SUCLG2: variants seen among roughly 807,000 people sequenced by gnomAD.
SUCLG2 encodes the protein succinate-CoA ligase GDP-forming subunit beta.
SUCLG2 carries 42 observed loss-of-function variants against 47.9 expected under a neutral mutation model. That is an observed-to-expected ratio of 0.88 (90% CI 0.69 to 1.14). The LOEUF is 1.14. Among genes scored for constraint, SUCLG2 ranks in the 50% most tolerant of loss-of-function variants. The pLI is 0.00. For missense variants in SUCLG2, 571 were observed against 525.9 expected, an observed-to-expected ratio of 1.09 and a Z score of -0.84; for synonymous variants, 195 against 197.3, an observed-to-expected ratio of 0.99 and a Z score of 0.10.
intron 2 of SUCLG2, among the ~76,000 whole-genome samples, chr3:67,533,820 A>C (rs1249258715): frequency 1.3e-5 from 2 of 152,224 alleles, no homozygotes; most frequent in Non-Finnish European, 1.5e-5. Flanking sequence ...AATGGGAATA[A>C]GATGATACTG....
At chr3:67,381,019 G>C (rs1257620640) in intron 10 of SUCLG2, among the ~76,000 whole-genome samples, 1 of 151,934 alleles carries the variant, frequency 6.6e-6, no homozygotes, top group Non-Finnish European at 1.5e-5. Context: ...GCAGAGAAGA[G>C]GGATTAAAAG....
intron 9 of SUCLG2, among the ~76,000 whole-genome samples, chr3:67,449,582 A>G (rs1255686133): frequency 6.7e-6 from 1 of 150,250 alleles, no homozygotes; most frequent in East Asian, 1.9e-4. Context: ...AACAGTGCAC[A>G]CTATCTGTTT....
intron 9 of SUCLG2, among the ~76,000 whole-genome samples, chr3:67,455,130 A>G (rs1018693446): frequency 5.9e-5 from 9 of 152,136 alleles, no homozygotes; most frequent in African/African-American, 1.7e-4. Context: ...GGTCTATTTC[A>G]CATATTCAGT....
At chr3:67,373,689 A>G (rs542741045), downstream of SUCLG2, among the ~76,000 whole-genome samples, 77 of 152,104 alleles carry the variant, frequency 5.1e-4, no homozygotes, top group Non-Finnish European at 1.0e-3. Flanking sequence ...TACCAAGAGA[A>G]GCTTCTTTCC....
At chr3:67,456,464 A>G (rs539981615) in intron 9 of SUCLG2, among the ~76,000 whole-genome samples, 2 of 152,280 alleles carry the variant, frequency 1.3e-5, no homozygotes, top group South Asian at 4.1e-4. Flanking sequence ...ACTGGAACAC[A>G]CTGAATTGAA....
chr3:67,465,934 T>C (rs891716329), intron 9 of SUCLG2, among the ~76,000 whole-genome samples: 9 of 152,266 alleles, frequency 5.9e-5, no homozygotes, highest in South Asian at 4.1e-4. Context: ...CCTATTATTA[T>C]ATGGTTAATT....
At chr3:67,568,379 T>C (rs945563837) in intron 2 of SUCLG2, among the ~76,000 whole-genome samples, 8 of 152,122 alleles carry the variant, frequency 5.3e-5, no homozygotes, top group African/African-American at 1.2e-4. Context: ...AAAAGTAATA[T>C]GATTCTTTGA....
intron 9 of SUCLG2, among the ~76,000 whole-genome samples, chr3:67,402,705 C>A (rs1191301673): frequency 1.3e-5 from 2 of 152,164 alleles, no homozygotes; most frequent in Non-Finnish European, 2.9e-5. Flanking sequence ...AAGGTTTGTG[C>A]AGAGGAACTT....
At chr3:67,624,677 G>A (rs906540543) in intron 1 of SUCLG2, among the ~76,000 whole-genome samples, 1 of 152,102 alleles carries the variant, frequency 6.6e-6, no homozygotes, top group Non-Finnish European at 1.5e-5. Flanking sequence ...CCAGGGAGGG[G>A]GAGAGGGTAA....
At chr3:67,528,649 G>T (rs1468005445) in intron 3 of SUCLG2, among the ~76,000 whole-genome samples, 1 of 152,148 alleles carries the variant, frequency 6.6e-6, no homozygotes. Context: ...AGAGGAAAGT[G>T]TTCAGTGCTA....
At chr3:67,531,354 G>T (rs1706399511) in intron 2 of SUCLG2, among the ~76,000 whole-genome samples, 1 of 152,160 alleles carries the variant, frequency 6.6e-6, no homozygotes, top group Non-Finnish European at 1.5e-5. Flanking sequence ...TCATCCTGAA[G>T]AGATGCTTTC....
intron 2 of SUCLG2, among the ~76,000 whole-genome samples, chr3:67,533,897 CTGACATGGACTTTTCAAATTTGGGACA>C (rs1471383102): frequency 1.3e-5 from 2 of 151,766 alleles, no homozygotes; most frequent in African/African-American, 4.8e-5. Flanking sequence ...TTCAACATGT[CTGACATGGACTTTTCAAATTTGGGACA>C]GAGAGTTTCA....
chr3:67,626,474 T>C lies in SUCLG2; in HGVS notation c.85-16878A>G, dbSNP rs775172400. On this transcript the variant is annotated intron_variant, in intron 1 of 10. Coordinates refer to ENST00000307227, the MANE Select transcript of SUCLG2 (RefSeq NM_003848.4). ...GGACTACTAACAGGAAAAGACCAGT[T>C]ACTGGCAGTCACTGGTGACAGGATG... Among the ~76,000 whole-genome samples the C allele has an allele frequency of 3.5e-4, 53 of 151,946 alleles. 1 individual carries two copies. Among genetic ancestry groups the C allele is most frequent in the Admixed American group, 2.6e-4 (4 of 15,262 alleles).
chr3:67,389,962 T>C (rs1199499309), intron 10 of SUCLG2, among the ~76,000 whole-genome samples: 2 of 152,214 alleles, frequency 1.3e-5, no homozygotes, highest in Non-Finnish European at 2.9e-5. Flanking sequence ...ATCATCCCAG[T>C]AGCTATTACA....
At chr3:67,614,707 T>A (rs769450784) in intron 1 of SUCLG2, among the ~76,000 whole-genome samples, 1 of 152,004 alleles carries the variant, frequency 6.6e-6, no homozygotes, top group African/African-American at 2.4e-5. Flanking sequence ...GTTTCCCAGT[T>A]AGTCACATGT....
intron 1 of SUCLG2, among the ~76,000 whole-genome samples, chr3:67,612,422 A>C (rs1230423072): frequency 8.8e-6 from 1 of 113,064 alleles, no homozygotes; most frequent in Admixed American, 7.6e-5. Context: ...CTGCATTCTC[A>C]GTTGTAAAAA....
chr3:67,483,274 T>C (rs1018307470), intron 9 of SUCLG2, among the ~76,000 whole-genome samples: 2 of 151,868 alleles, frequency 1.3e-5, no homozygotes, highest in Non-Finnish European at 2.9e-5. Context: ...GCAACATTGC[T>C]CAGAACACTT....
At chr3:67,653,551 A>G (rs1372881846) in intron 1 of SUCLG2, among the ~76,000 whole-genome samples, 16 of 152,254 alleles carry the variant, frequency 1.1e-4, no homozygotes, top group Admixed American at 5.9e-4. Flanking sequence ...TACTATGCAC[A>G]TCCTGGTTAA....
intron 1 of SUCLG2, among the ~76,000 whole-genome samples, chr3:67,639,161 T>C (rs909467695): frequency 2.0e-5 from 3 of 152,178 alleles, no homozygotes; most frequent in South Asian, 4.1e-4. Context: ...GTGTAATTTA[T>C]TGTAATGTAC....
Sources: allele counts gnomAD v4.1 joint callset (sites outside exome capture counted in the v4.1 genomes callset), GRCh38; gene constraint gnomAD v4.1.1; transcripts MANE v1.5; gene names NCBI Gene and HGNC (gene_info 2026-07-23, HGNC 2026-07-21).